Variants in CEP250 observed in about 807,000 individuals in gnomAD.
The protein encoded by CEP250 is centrosome-associated protein CEP250.
In CEP250, 242 loss-of-function variants were observed where a neutral mutation model predicts 315.7. The observed-to-expected ratio is 0.77, with a 90% CI of 0.69 to 0.85. The LOEUF (loss-of-function observed/expected upper bound fraction) is 0.85, where lower values mean the gene tolerates loss of function less well. Ranked by LOEUF, CEP250 falls within the 40% of genes least tolerant of loss-of-function variation. The probability of loss-of-function intolerance (pLI) is 0.00; values close to 1 mark genes in which losing one functional copy is unlikely to be tolerated. For synonymous variants in CEP250, 1,088 were observed against 1,175.0 expected (o/e 0.93, Z 1.51); for missense variants, 2,515 against 2,886.4 (o/e 0.87, Z 2.95).
rs186772862 is a variant in CEP250, at chr20:35,478,381, A to G, written c.2094+280A>G. On this transcript the variant is annotated intron_variant, in intron 17 of 34. Coordinates refer to ENST00000397527, the MANE Select transcript of CEP250 (RefSeq NM_007186.6). ...GAGGTTCGAGACCAGCCTGACCAAC[A>G]TAGTGAAACCCTGTCTCTACTAAAA... Among the ~76,000 whole-genome samples, 406 of 152,296 alleles carry G rather than the reference A, an allele frequency of 2.7e-3. 1 individual carries two copies. The highest frequency in any genetic ancestry group is 8.8e-3 in the African/African-American group (365 of 41,556).
rs368889817 is a variant in CEP250 at position 35,516,923 on chromosome 20, A to C, written c.*5297A>C. 24 of 943,726 alleles carry C rather than the reference A, an allele frequency of 2.5e-5. No homozygotes were observed. The East Asian group carries it at 1.6e-3, about 64-fold the overall frequency. 58.5% of individuals were successfully genotyped at this position (943,726 alleles called of 1,614,324 possible). A position where few individuals can be genotyped will look rare whatever the true frequency, so the allele number is the denominator to read the frequency against. On this transcript the variant is annotated 3_prime_UTR_variant, in exon 35 of 35. Transcript: ENST00000397527. ...CCTCTGAGCAGACGGCAGAAACGTC[A>C]GCCACAGGTGAGCATAAGCTCAAAC...
At chr20:35,496,798 T>TC in intron 25 of CEP250, 83 bp downstream of exon 25, 9 of 1,449,318 alleles carry the variant, frequency 6.2e-6, no homozygotes, top group Non-Finnish European at 8.4e-6. Context: ...CTGAGTCCTC[T>TC]CATGGAGAGG....
At chr20:35,468,640 G>T (rs575841788) in intron 9 of CEP250, among the ~76,000 whole-genome samples, 1 of 152,034 alleles carries the variant, frequency 6.6e-6, no homozygotes, top group African/African-American at 2.4e-5. Flanking sequence ...CTAGTACTTT[G>T]TACTTCACCT....
In CEP250 at chr20:35,503,287, G is replaced by A. The variant is rs755541063; in HGVS notation, c.4918G>A (p.Glu1640Lys). 9.3e-6 allele frequency: 15 copies of A among 1,614,030 alleles called. No homozygotes were observed. The African/African-American group carries it at 1.2e-4, about 13-fold the overall frequency. Residue 1640 changes from glutamate (E) to lysine (K), a missense_variant, in exon 30 of 35, where the codon GAG (glutamate) becomes AAG (lysine). Physicochemically the swap from Glu to Lys is moderately conservative, Grantham distance 56. Transcript: ENST00000397527. This position sits in a 1 kb window ranked among gnomAD's most constrained non-coding sequence, Gnocchi z 4.2. ...QEVKSQREQI[E>K]ELQRQKEHLT... ...GGTGAAGTCTCAGCGAGAACAGATC[G>A]AGGAGCTGCAGAGGCAGAAAGAGCA... is the stretch of plus-strand genomic sequence containing the variant.
At chr20:35,482,701 A>G (rs1166581215) in intron 20 of CEP250, among the ~76,000 whole-genome samples, 1 of 151,892 alleles carries the variant, frequency 6.6e-6, no homozygotes, top group Non-Finnish European at 1.5e-5. Context: ...CTGGGATTAC[A>G]GGCACGTACC....
intron 15 of CEP250, chr20:35,476,184 T>A (rs2063168037): frequency 1.2e-5 from 4 of 341,830 alleles, no homozygotes; most frequent in African/African-American, 4.1e-5. Context: ...TTTTTTTAGT[T>A]CCCAGAGCAC....
At chr20:35,505,618 A>G (rs1442774244) in intron 30 of CEP250, among the ~76,000 whole-genome samples, 2 of 146,158 alleles carry the variant, frequency 1.4e-5, no homozygotes, top group African/African-American at 5.0e-5. Context: ...GCACCATTGC[A>G]CTCGAGCCTG....
At chr20:35,507,893 G>A (rs1421421723) in intron 31 of CEP250, 42 bp downstream of exon 31, 2 of 1,601,212 alleles carry the variant, frequency 1.2e-6, no homozygotes, top group Middle Eastern at 1.7e-4. Context: ...CCAGCAGGGA[G>A]CTCCTGTCCA....
chr20:35,508,926 T>C lies in CEP250; in HGVS notation c.6907-17T>C, dbSNP rs1568847458. On this transcript the variant is annotated splice_polypyrimidine_tract_variant and intron_variant, in intron 32 of 34. Coordinates refer to ENST00000397527, the MANE Select transcript of CEP250 (RefSeq NM_007186.6). ...AGAGCCAAGCCGAGCCCTGATTTCT[T>C]ATTTGCACCTTGGCAGGTGGAGCGA... The C allele has an allele frequency of 6.5e-7, 1 of 1,548,514 alleles. No individual in the cohort carries two copies.
In CEP250 at chr20:35,467,395, G is replaced by A; in HGVS notation, c.691G>A (p.Glu231Lys). 6.2e-7 allele frequency: 1 copy of A among 1,614,184 alleles called. No individual in the cohort carries two copies. The highest frequency in any genetic ancestry group is 8.5e-7 in the Non-Finnish European group (1 of 1,180,026). The part of the protein sequence containing the change: ...LRLTVGAQSR[E>K]PNGSGRMDGR... ...CTTGACTGTGGGAGCACAGTCTCGG[G>A]AACCCAACGGATCTGGAAGAATGGA... Residue 231 changes from glutamate (E) to lysine (K), a missense_variant, in exon 9 of 35, where the codon GAA (glutamate) becomes AAA (lysine). Transcript: ENST00000397527.
In CEP250 at chr20:35,477,845, T is replaced by C. The variant is rs978288493; in HGVS notation, c.1864-26T>C. The C allele has an allele frequency of 4.6e-6, 7 of 1,531,386 alleles. No individual in the cohort carries two copies. The Admixed American group carries it at 5.9e-5, about 13-fold the overall frequency. 94.9% of individuals were successfully genotyped at this position (1,531,386 alleles called of 1,614,324 possible). A position where few individuals can be genotyped will look rare whatever the true frequency, so the allele number is the denominator to read the frequency against. On this transcript the variant is annotated intron_variant, in intron 16 of 34. Transcript: ENST00000397527. ...ACTAACCATTTGTCTTTGATGCTTG[T>C]ACTCCCTTCCCTTTTTGGCCAGTAG...
At chr20:35,509,491 T>C (rs778950174) in intron 33 of CEP250, among the ~76,000 whole-genome samples, 1 of 152,162 alleles carries the variant, frequency 6.6e-6, no homozygotes, top group Non-Finnish European at 1.5e-5. Context: ...TGTCCCTTTT[T>C]TGGGTAAGAG....
Position 35,473,261 on chromosome 20 carries a change from C to T in CEP250, c.1210-113C>T, listed in dbSNP as rs1454355613. The T allele has an allele frequency of 6.0e-6, 5 of 838,302 alleles. No individual in the cohort carries two copies. In the Admixed American group the frequency reaches 1.4e-4, roughly 23 times the overall value. The allele number at this position is 838,302 out of a possible 1,614,324, so 51.9% of individuals were successfully genotyped here. A position where few individuals can be genotyped will look rare whatever the true frequency, so the allele number is the denominator to read the frequency against. On this transcript the variant is annotated intron_variant, in intron 12 of 34. Transcript: ENST00000397527. ...TGAATAGTTGCATCTCCCTTCTCAG[C>T]TTTCTTTTGTTGCACCAGCCCCCGA...
chr20:35,477,103 C>T (rs1048820842), intron 16 of CEP250, among the ~76,000 whole-genome samples: 7 of 151,440 alleles, frequency 4.6e-5, no homozygotes, highest in Admixed American at 1.3e-4. Context: ...CTCTGCATCC[C>T]GGGTTCAAGC....
chr20:35,497,783 T>G lies in CEP250; in HGVS notation c.3371T>G (p.Leu1124Arg). The change falls in exon 26 of 35, where the codon CTG (leucine) becomes CGG (arginine). Residue 1124 changes from leucine (L) to arginine (R), a missense_variant. Leu to Arg is a moderately radical substitution (Grantham distance 102). Transcript: ENST00000397527. ...EADFLAQEAQ[L>R]LEELEASHIT... ...GACTTTCTGGCCCAGGAAGCACAGC[T>G]GCTGGAGGAGCTGGAGGCGTCTCAT... The G allele has an allele frequency of 6.4e-7, 1 of 1,561,082 alleles. No individual in the cohort carries two copies. Among genetic ancestry groups the G allele is most frequent in the Non-Finnish European group, 8.7e-7 (1 of 1,152,024 alleles).
At chr20:35,510,220 G>A (rs2064315385) in intron 34 of CEP250, among the ~76,000 whole-genome samples, 166 bp downstream of exon 34, 1 of 152,196 alleles carries the variant, frequency 6.6e-6, no homozygotes, top group Non-Finnish European at 1.5e-5. Flanking sequence ...TAGGGTGGGA[G>A]TGGGGAAGAA....
At chr20:35,482,543 A>AT (rs1026766820) in intron 20 of CEP250, among the ~76,000 whole-genome samples, 3 of 143,684 alleles carry the variant, frequency 2.1e-5, no homozygotes, top group Non-Finnish European at 3.0e-5. Flanking sequence ...CCGGCTATTT[A>AT]TTTTTTTATA....
chr20:35,467,501 A>T lies in CEP250; in HGVS notation c.797A>T (p.Glu266Val). The T allele has an allele frequency of 6.2e-7, 1 of 1,614,128 alleles. No individual in the cohort carries two copies. The highest frequency in any genetic ancestry group is 8.5e-7 in the Non-Finnish European group (1 of 1,180,024). The change falls in exon 9 of 35, where the codon GAG (glutamate) becomes GTG (valine). Residue 266 changes from glutamate (E) to valine (V), a missense_variant. By Grantham distance (121) the Glu-to-Val change is moderately radical. Coordinates refer to ENST00000397527, the MANE Select transcript of CEP250 (RefSeq NM_007186.6). ...LEKEAHERSQ[E>V]LIQLKSQGDL... is the part of the protein sequence containing the mutation. ...AAGGAAGCCCATGAAAGGAGCCAGG[A>T]GTTAATACAGCTGAAGAGTCAAGGG...
chr20:35,505,103 G>A lies in CEP250; in HGVS notation c.6636+98G>A, dbSNP rs959616912. On this transcript the variant is annotated intron_variant, in intron 30 of 34. Transcript: ENST00000397527. ...CCCTGGGCCCTGTGGCACCTCAGGG[G>A]TATGAGAAAGCTGAGATCATGAGCA... 7.9e-6 allele frequency: 8 copies of A among 1,010,116 alleles called. No homozygotes were observed. The Admixed American group carries it at 1.5e-4, about 18-fold the overall frequency. 62.6% of individuals were successfully genotyped at this position (1,010,116 alleles called of 1,614,324 possible).
Sources: gnomAD v4.1 joint callset for allele counts (sites outside exome capture counted in the v4.1 genomes callset) on GRCh38, gnomAD v4.1.1 for gene constraint, Gnocchi (gnomAD v3.1) non-coding constraint, MANE v1.5 for transcripts, NCBI Gene and HGNC (gene_info 2026-07-23, HGNC 2026-07-21) for gene names.